PES1: variants seen among roughly 807,000 people sequenced by gnomAD.
The protein encoded by PES1 is pescadillo homolog.
In PES1, 31 loss-of-function variants were observed where a neutral mutation model predicts 77.1. The observed-to-expected ratio is 0.40, with a 90% confidence interval of 0.30 to 0.54. The LOEUF is 0.54. Among genes scored for constraint, PES1 ranks in the 20% least tolerant of loss-of-function variants. The pLI is 0.45. For synonymous variants in PES1, 282 were observed against 303.0 expected, an observed-to-expected ratio of 0.93 and a Z score of 0.72; for missense variants, 658 against 771.7, an observed-to-expected ratio of 0.85 and a Z score of 1.75.
intron 13 of PES1, 26 bp downstream of exon 13, chr22:30,579,111 A>G (rs1157585067): frequency 6.2e-7 from 1 of 1,606,742 alleles, no homozygotes; most frequent in Non-Finnish European, 8.5e-7. Flanking sequence ...TTCCCAGGCC[A>G]AGCCCCGCAT....
chr22:30,591,070 T>A (rs1009961989), intron 1 of PES1, among the ~76,000 whole-genome samples: 2 of 152,156 alleles, frequency 1.3e-5, no homozygotes, highest in Non-Finnish European at 2.9e-5. Context: ...CGATTCTCCA[T>A]ACAGCCACAA....
Position 30,580,566 on chromosome 22 carries a change from C to T in PES1, c.1043+5G>A, listed in dbSNP as rs764696907. 13 of 1,613,638 alleles carry T rather than the reference C, an allele frequency of 8.1e-6. No homozygotes were observed. In the African/African-American group the frequency reaches 1.5e-4, roughly 18 times the overall value. On this transcript the variant is annotated splice_donor_5th_base_variant and intron_variant, in intron 10 of 14. Coordinates refer to ENST00000354694, the MANE Select transcript of PES1 (RefSeq NM_014303.4). The stretch of plus-strand genomic sequence containing the variant: ...TGCTGTCAGCGGGCCCTTGAGCCTC[C>T]CTACCTGATGATGAAGGCCAGGGCC...
intron 6 of PES1, 122 bp from the exon 7 acceptor site, chr22:30,581,766 C>A: frequency 1.4e-6 from 1 of 718,164 alleles, no homozygotes; most frequent in Non-Finnish European, 2.4e-6. Context: ...CTCAAGAAGG[C>A]TCTGCCCTTA....
At chr22:30,580,465 A>C in intron 10 of PES1, 106 bp downstream of exon 10, 3 of 1,428,212 alleles carry the variant, frequency 2.1e-6, no homozygotes, top group Non-Finnish European at 2.9e-6. Flanking sequence ...GTTTCATAAG[A>C]AGTGGAAACT....
At position 30,580,118 on chromosome 22, in the gene PES1, G is replaced by A; in HGVS notation, c.1104C>T (p.Val368=). 1 of 1,614,134 alleles carries A rather than the reference G, an allele frequency of 6.2e-7. No homozygotes were observed. The highest frequency in any genetic ancestry group is 8.5e-7 in the Non-Finnish European group (1 of 1,180,020). ...TCTGATGGGTGATGCGGGAGTCTGT[G>A]ACGTCATAGGTGGCCCCAATGCACA... is the stretch of plus-strand genomic sequence containing the variant. The part of the protein sequence containing the change: ...KSLCIGATYD[V]TDSRITHQIV... The change falls in exon 11 of 15, where the codon GTC becomes GTT. Residue 368 remains valine (V), a synonymous_variant. Coordinates refer to ENST00000354694, the MANE Select transcript of PES1 (RefSeq NM_014303.4).
Position 30,585,458 on chromosome 22 carries a change from C to T in PES1, c.369-741G>A, listed in dbSNP as rs1469758562. On this transcript the variant is annotated intron_variant, in intron 4 of 14. Coordinates refer to ENST00000354694, the MANE Select transcript of PES1 (RefSeq NM_014303.4). ...ATTCCAGTCCCGGTCTGAGCTGTGACCCAGACTCTTCATTTACAACTGGGC... is the reference window on the plus strand; with the variant it reads ...ATTCCAGTCCCGGTCTGAGCTGTGATCCAGACTCTTCATTTACAACTGGGC... 7.9e-6 allele frequency: 3 copies of T among 378,134 alleles called. No homozygotes were observed. The East Asian group carries it at 2.3e-4, about 30-fold the overall frequency. 23.4% of individuals were successfully genotyped at this position (378,134 alleles called of 1,614,324 possible).
chr22:30,582,226 T>C (rs1013544101), intron 6 of PES1, among the ~76,000 whole-genome samples: 2 of 152,238 alleles, frequency 1.3e-5, no homozygotes, highest in Admixed American at 6.5e-5. Flanking sequence ...GGGGGAAGCA[T>C]GGGGCTCAGG....
intron 9 of PES1, 133 bp from the exon 10 acceptor site, chr22:30,580,834 C>A: frequency 7.2e-7 from 1 of 1,391,964 alleles, no homozygotes; most frequent in Non-Finnish European, 9.9e-7. Flanking sequence ...CTCCAAGGCC[C>A]CACTCCTGAG....
intron 6 of PES1, among the ~76,000 whole-genome samples, chr22:30,583,604 G>GA (rs1046933363): frequency 6.6e-6 from 1 of 152,206 alleles, no homozygotes; most frequent in Non-Finnish European, 1.5e-5. Context: ...GTGGATCCCT[G>GA]CCAACAATTC....
chr22:30,581,811 TCCCA>T (rs991986060), intron 6 of PES1, among the ~76,000 whole-genome samples, 167 bp from the exon 7 acceptor site: 1 of 152,072 alleles, frequency 6.6e-6, no homozygotes, highest in Non-Finnish European at 1.5e-5. Flanking sequence ...GCATGGATCT[TCCCA>T]CCAGGGGCGT....
chr22:30,601,182 T>C (rs2087349394), intron 2 of PES1, among the ~76,000 whole-genome samples: 1 of 152,242 alleles, frequency 6.6e-6, no homozygotes, highest in African/African-American at 2.4e-5. Flanking sequence ...GGAATTAGAC[T>C]CATCTCTTCA....
upstream of PES1, chr22:30,592,289 C>T (rs2087194465): frequency 5.0e-6 from 5 of 993,804 alleles, no homozygotes; most frequent in Non-Finnish European, 6.0e-6. Flanking sequence ...TGCTAAGCGT[C>T]GTCAGACTTC....
rs1006302361 is a variant in PES1, at chr22:30,579,478, G to A, written c.1355-175C>T. 6 of 1,080,112 alleles carry A rather than the reference G, an allele frequency of 5.6e-6. No individual in the cohort carries two copies. In the African/African-American group the frequency reaches 6.3e-5, roughly 11 times the overall value. 66.9% of individuals were successfully genotyped at this position (1,080,112 alleles called of 1,614,324 possible). ...TCCCCACAGCCCAGCTGCCATCAGAGGAAATTCCAAGACCCCCAGTCCTGA... is the reference window on the plus strand; with the variant it reads ...TCCCCACAGCCCAGCTGCCATCAGAAGAAATTCCAAGACCCCCAGTCCTGA... On this transcript the variant is annotated intron_variant, in intron 12 of 14. Transcript: ENST00000354694.
chr22:30,606,348 AG>A (rs916114390), intron 1 of PES1, among the ~76,000 whole-genome samples: 1 of 152,072 alleles, frequency 6.6e-6, no homozygotes, highest in African/African-American at 2.4e-5. Context: ...CTCCTGCCTC[AG>A]CCCCCCAAGT....
intron 2 of PES1, among the ~76,000 whole-genome samples, chr22:30,601,119 T>C (rs1331901371): frequency 3.3e-5 from 5 of 152,202 alleles, no homozygotes; most frequent in Admixed American, 1.3e-4. Flanking sequence ...TCATCACTTC[T>C]GCATTCTGCT....
Position 30,581,769 on chromosome 22 carries a change from T to G in PES1, c.631-125A>C, listed in dbSNP as rs917724014. On this transcript the variant is annotated intron_variant, in intron 6 of 14. Transcript: ENST00000354694. ...GACCCCAAGCTCCTCAAGAAGGCTC[T>G]GCCCTTAAGGCGCTGCCCTAGGGAA... The G allele has an allele frequency of 1.3e-5, 9 of 705,680 alleles. No homozygotes were observed. The Admixed American group carries it at 1.7e-4, about 13-fold the overall frequency. 43.7% of individuals were successfully genotyped at this position (705,680 alleles called of 1,614,324 possible). A position where few individuals can be genotyped will look rare whatever the true frequency, so the allele number is the denominator to read the frequency against.
At chr22:30,579,461 GC>G in intron 12 of PES1, 158 bp from the exon 13 acceptor site, 1 of 1,202,166 alleles carries the variant, frequency 8.3e-7, no homozygotes, top group Non-Finnish European at 1.2e-6. Context: ...CCTCCCCACA[GC>G]CCAGCTGCCA....
At chr22:30,606,876 C>T (rs1278012309) in exon 1 of PES1, 1 of 1,033,180 alleles carries the variant, frequency 9.7e-7, no homozygotes, top group African/African-American at 1.7e-5. Flanking sequence ...ACCAGGGGCT[C>T]CTTTGGTAAG....
chr22:30,599,785 A>T (rs992490595), intron 2 of PES1, among the ~76,000 whole-genome samples: 6 of 152,134 alleles, frequency 3.9e-5, no homozygotes, highest in Admixed American at 6.5e-5. Context: ...CTGTAATCAC[A>T]GCTACTCGGG....
Sources: allele counts gnomAD v4.1 joint callset (sites outside exome capture counted in the v4.1 genomes callset), GRCh38; gene constraint gnomAD v4.1.1; transcripts MANE v1.5; gene names NCBI Gene and HGNC (gene_info 2026-07-23, HGNC 2026-07-21).